Variants in LAMB3 observed in about 807,000 individuals in gnomAD.
The protein encoded by LAMB3 is laminin subunit beta-3.
In LAMB3, 104 loss-of-function variants were observed where a neutral mutation model predicts 140.3. The ratio of observed to expected loss-of-function variants is 0.74; its 90% confidence interval spans 0.63 to 0.87. LAMB3 has a LOEUF of 0.87. LAMB3 is among the 40% of genes least tolerant of loss of function. LAMB3 has a pLI of 0.00. For synonymous variants in LAMB3, 592 were observed against 602.9 expected (o/e 0.98, Z 0.26); for missense variants, 1,531 against 1,575.2 (o/e 0.97, Z 0.47).
intron 8 of LAMB3, among the ~76,000 whole-genome samples, chr1:209,632,257 G>A (rs1666718374): frequency 6.6e-6 from 1 of 152,170 alleles, no homozygotes; most frequent in Non-Finnish European, 1.5e-5. Context: ...ATCTTAGGGT[G>A]GAGGGCTGGG....
chr1:209,617,200 A>T (rs1665998063), intron 21 of LAMB3, among the ~76,000 whole-genome samples: 1 of 152,216 alleles, frequency 6.6e-6, no homozygotes, highest in African/African-American at 2.4e-5. Flanking sequence ...GGACTAGGTC[A>T]TCTCCAGTGT....
intron 9 of LAMB3, among the ~76,000 whole-genome samples, chr1:209,630,361 A>G (rs1393985379): frequency 6.6e-6 from 1 of 152,190 alleles, no homozygotes; most frequent in African/African-American, 2.4e-5. Flanking sequence ...AAAACCAGAT[A>G]TGTCCTAAAC....
At chr1:209,619,909 TG>T (rs1009443110) in intron 18 of LAMB3, among the ~76,000 whole-genome samples, 1 of 152,230 alleles carries the variant, frequency 6.6e-6, no homozygotes, top group Non-Finnish European at 1.5e-5. Context: ...GCAGCATAAC[TG>T]TGGTTGAGTT....
Position 209,634,450 on chromosome 1 carries a change from C to A in LAMB3, c.561G>T (p.Gly187=), listed in dbSNP as rs756125849. ...TTTCAGGATTCCCTCTACCTACCTT[C>A]CCCCCATTTAGGCGTGCATTAGGCC... The part of the protein sequence containing the change: ...PQRPNARLNG[G]KVQLNLMDLV... Residue 187 remains glycine (G), a synonymous_variant, in exon 6 of 23, where the codon GGG becomes GGT. Transcript: ENST00000356082. 6.2e-7 allele frequency: 1 copy of A among 1,613,718 alleles called. No homozygotes were observed. Among genetic ancestry groups the A allele is most frequent in the Admixed American group, 1.7e-5 (1 of 60,006 alleles).
intron 5 of LAMB3, among the ~76,000 whole-genome samples, chr1:209,636,056 G>T (rs1666884323): frequency 6.6e-6 from 1 of 152,180 alleles, no homozygotes; most frequent in South Asian, 2.1e-4. Flanking sequence ...TGACTGAACT[G>T]CATTCTCCTG....
Position 209,615,363 on chromosome 1 carries a change from G to A in LAMB3, c.3427C>T (p.Arg1143Cys), listed in dbSNP as rs371221254. The change falls in exon 23 of 23, where the codon CGC becomes TGC. Residue 1143 changes from arginine to cysteine, a missense_variant. Physicochemically the swap from Arg to Cys is radical, Grantham distance 180. Transcript: ENST00000356082. The part of the protein sequence containing the change: ...LLRGSQAIML[R>C]SADLTGLEKR... The stretch of plus-strand genomic sequence containing the variant: ...TCCAGTCCTGTCAGGTCCGCTGAGC[G>A]CAGCATGATGGCCTGGCTGCCCCGC... 5.3e-5 allele frequency: 85 copies of A among 1,612,210 alleles called. No homozygotes were observed. The highest frequency in any genetic ancestry group is 2.6e-4 in the South Asian group (24 of 90,980).
At chr1:209,622,433 G>C in intron 18 of LAMB3, 103 bp downstream of exon 18, 1 of 1,399,298 alleles carries the variant, frequency 7.1e-7, no homozygotes, top group African/African-American at 1.4e-5. Context: ...GGATGTTGCA[G>C]GCCTGGGACT....
At position 209,623,324 on chromosome 1, in the gene LAMB3, C is replaced by A. The variant is rs1171786357; in HGVS notation, c.2359-145G>T. 7 of 1,036,276 alleles carry A rather than the reference C, an allele frequency of 6.8e-6. No homozygotes were observed. Among genetic ancestry groups the A allele is most frequent in the African/African-American group, 1.6e-5 (1 of 63,112 alleles). The allele number at this position is 1,036,276 out of a possible 1,614,324, so 64.2% of individuals were successfully genotyped here. ...AGACATCTCCATGAGAGCTAAGGACCAGAAACTGGTTTCCTTGGCAACCAC... is the reference window on the plus strand; with the variant it reads ...AGACATCTCCATGAGAGCTAAGGACAAGAAACTGGTTTCCTTGGCAACCAC... On this transcript the variant is annotated intron_variant, in intron 16 of 22. Transcript: ENST00000356082. This position sits in a 1 kb window ranked among gnomAD's most constrained non-coding sequence, Gnocchi z 4.2.
chr1:209,617,376 G>C, intron 21 of LAMB3, 34 bp downstream of exon 21: 1 of 1,606,054 alleles, frequency 6.2e-7, no homozygotes, highest in Non-Finnish European at 8.5e-7. Flanking sequence ...CTCACTGGCC[G>C]TACATCATTG....
rs371749582 is a variant in LAMB3 at position 209,620,450 on chromosome 1, G to C, written c.2702-1791C>G. On this transcript the variant is annotated intron_variant, in intron 18 of 22. Coordinates refer to ENST00000356082, the MANE Select transcript of LAMB3 (RefSeq NM_000228.3). ...GGAGCTAGACAGGTCAGCAGAGGTG[G>C]GAGAGGGGAGACGATCCAGAGAGAG... 2.1e-4 allele frequency among the ~76,000 whole-genome samples: 32 copies of C among 152,328 alleles called. 1 individual carries two copies. In the East Asian group the frequency reaches 2.5e-3, roughly 12 times the overall value.
At chr1:209,635,339 T>G (rs1035482032) in intron 5 of LAMB3, among the ~76,000 whole-genome samples, 1 of 152,196 alleles carries the variant, frequency 6.6e-6, no homozygotes, top group Non-Finnish European at 1.5e-5. Flanking sequence ...AAGCTTCATC[T>G]GATTTCCCCT....
rs758744886 is a variant in LAMB3, at chr1:209,617,405, T to C, written c.3228+5A>G. 6 of 1,612,194 alleles carry C rather than the reference T, an allele frequency of 3.7e-6. No homozygotes were observed. The East Asian group carries it at 1.3e-4, about 36-fold the overall frequency. ...ATCATTGAGCTAACTCCGCCTTCTCTGTACCTCTTGGGCACTCAATGCCTG... is the reference window on the plus strand; with the variant it reads ...ATCATTGAGCTAACTCCGCCTTCTCCGTACCTCTTGGGCACTCAATGCCTG... On this transcript the variant is annotated splice_donor_5th_base_variant and intron_variant, in intron 21 of 22. Transcript: ENST00000356082.
intron 18 of LAMB3, among the ~76,000 whole-genome samples, chr1:209,622,039 A>G (rs760652011): frequency 1.5e-4 from 23 of 152,212 alleles, no homozygotes; most frequent in Non-Finnish European, 2.9e-4. Context: ...GAGATGACCC[A>G]GAGGACAAGA....
At chr1:209,643,393 T>C (rs1388064469) in intron 3 of LAMB3, among the ~76,000 whole-genome samples, 1 of 152,220 alleles carries the variant, frequency 6.6e-6, no homozygotes, top group Non-Finnish European at 1.5e-5. Flanking sequence ...CCTGGCTGCA[T>C]TACCTCAGAG....
intron 3 of LAMB3, among the ~76,000 whole-genome samples, chr1:209,640,709 C>A (rs2076460987): frequency 6.6e-6 from 1 of 152,080 alleles, no homozygotes; most frequent in Admixed American, 6.5e-5. Context: ...ATATTGTCTG[C>A]CTCCCTCTTC....
intron 8 of LAMB3, among the ~76,000 whole-genome samples, chr1:209,631,801 C>T (rs1666701294): frequency 6.6e-6 from 1 of 152,230 alleles, no homozygotes; most frequent in African/African-American, 2.4e-5. Context: ...TACACCTCTG[C>T]AGCCTGGGGC....
chr1:209,626,875 CCT>C lies in LAMB3; in HGVS notation c.1587_1588del (p.Gly530MetfsTer5), dbSNP rs769151482. On this transcript the variant is annotated frameshift_variant, in exon 13 of 23. Coordinates refer to ENST00000356082, the MANE Select transcript of LAMB3 (RefSeq NM_000228.3). LOFTEE classifies it high-confidence loss of function. Reference sequence around the variant, plus strand: ...AGGCTTTGAGCATGCACCTCGGCATCCTGTGGCCACGTCTCCATAGGTCCGGT... The same window carrying C: ...AGGCTTTGAGCATGCACCTCGGCATCGTGGCCACGTCTCCATAGGTCCGGT... 3.1e-6 allele frequency: 5 copies of C among 1,613,166 alleles called. No individual in the cohort carries two copies. Among genetic ancestry groups the C allele is most frequent in the Non-Finnish European group, 4.2e-6 (5 of 1,179,376 alleles).
At chr1:209,643,258 C>T (rs981118652) in intron 3 of LAMB3, among the ~76,000 whole-genome samples, 4 of 152,170 alleles carry the variant, frequency 2.6e-5, no homozygotes, top group African/African-American at 4.8e-5. Flanking sequence ...CATTTGTAAG[C>T]GTCGTGTGCA....
Position 209,623,759 on chromosome 1 carries a change from G to A in LAMB3, c.2138-34C>T, listed in dbSNP as rs1666306433. On this transcript the variant is annotated intron_variant, in intron 15 of 22. Transcript: ENST00000356082. This position sits in a 1 kb window ranked among gnomAD's most constrained non-coding sequence, Gnocchi z 4.2. ...AGAAGCATGAGGAATGGAGATGGAG[G>A]AGGAGCAGGAGGGAGAGGGGGTGGC... 1.9e-6 allele frequency: 3 copies of A among 1,613,404 alleles called. No individual in the cohort carries two copies. Among genetic ancestry groups the A allele is most frequent in the Non-Finnish European group, 2.5e-6 (3 of 1,179,640 alleles).
Sources: allele counts gnomAD v4.1 joint callset (sites outside exome capture counted in the v4.1 genomes callset), GRCh38; gene constraint gnomAD v4.1.1; non-coding constraint Gnocchi (gnomAD v3.1); transcripts MANE v1.5; gene names NCBI Gene and HGNC (gene_info 2026-07-23, HGNC 2026-07-21).